The following ADAM22 variants were observed in gnomAD, a reference collection of about 807,000 sequenced individuals.
ADAM22 encodes ADAM metallopeptidase domain 22, also known as disintegrin and metalloproteinase domain-containing protein 22.
In ADAM22, 65 loss-of-function variants were observed where a neutral mutation model predicts 144.6. The observed-to-expected ratio is 0.45, with a 90% CI of 0.37 to 0.55. The LOEUF is 0.55. ADAM22 is among the 20% of genes least tolerant of loss of function. The probability of loss-of-function intolerance (pLI) is 0.00; values close to 1 mark genes in which losing one functional copy is unlikely to be tolerated. For synonymous variants in ADAM22, 391 were observed against 412.6 expected (o/e 0.95, Z 0.63); for missense variants, 974 against 1,184.9 (o/e 0.82, Z 2.61).
chr7:87,981,038 G>T (rs1468569680), intron 3 of ADAM22, among the ~76,000 whole-genome samples: 1 of 152,148 alleles, frequency 6.6e-6, no homozygotes, highest in African/African-American at 2.4e-5. Context: ...GAGCAATTCA[G>T]TCCAATTTTT....
chr7:88,029,241 T>C (rs994077614), intron 3 of ADAM22, among the ~76,000 whole-genome samples: 1 of 152,126 alleles, frequency 6.6e-6, no homozygotes, highest in Non-Finnish European at 1.5e-5. Flanking sequence ...TTTTTGTGTA[T>C]TTGTTATATG....
intron 3 of ADAM22, among the ~76,000 whole-genome samples, chr7:88,041,584 A>G (rs2129472009): frequency 6.6e-6 from 1 of 152,074 alleles, no homozygotes; most frequent in Middle Eastern, 3.4e-3. Context: ...TTGAATGTGA[A>G]ATTTAAGATT....
At chr7:88,161,837 G>C (rs1285152307) in intron 22 of ADAM22, among the ~76,000 whole-genome samples, 1 of 151,932 alleles carries the variant, frequency 6.6e-6, no homozygotes, top group African/African-American at 2.4e-5. Flanking sequence ...AGACAAAGGG[G>C]AACATTTACA....
At chr7:88,057,958 G>A (rs10276750) in intron 3 of ADAM22, among the ~76,000 whole-genome samples, 9,634 of 152,174 alleles carry the variant, frequency 0.063, 1,038 homozygotes, top group African/African-American at 0.22. Flanking sequence ...TAACGATTAT[G>A]TGCTCATGAT....
chr7:88,153,409 TC>T (rs1475020706), intron 21 of ADAM22, 83 bp downstream of exon 21: 9 of 1,117,760 alleles, frequency 8.1e-6, no homozygotes, highest in African/African-American at 1.5e-5. Flanking sequence ...GTTTCTGCTT[TC>T]TGCATCACAC....
chr7:88,123,213 T>C (rs10952913), intron 7 of ADAM22, among the ~76,000 whole-genome samples: 59,041 of 151,904 alleles, frequency 0.39, 13,420 homozygotes, highest in East Asian at 0.84. Context: ...AGAAAGCATA[T>C]TGGACTGTAG....
In ADAM22 at chr7:87,935,138, G is replaced by A. The variant is rs1840914986; in HGVS notation, c.198G>A (p.Arg66=). 1.2e-6 allele frequency: 2 copies of A among 1,613,046 alleles called. No homozygotes were observed. The change falls in exon 2 of 32, where the codon CGG becomes CGA. Residue 66 remains arginine, a synonymous_variant. Transcript: ENST00000413139. ...IYRSGGEDES[R]HDALDTRVRG... is the part of the protein sequence containing the mutation. ...GCTCGGGCGGCGAAGACGAAAGTCGGCACGACGCGCTCGACACGCGGGTGC... is the reference window on the plus strand; with the variant it reads ...GCTCGGGCGGCGAAGACGAAAGTCGACACGACGCGCTCGACACGCGGGTGC...
rs115441375 is a variant in ADAM22 at position 88,127,412 on chromosome 7, G to A, written c.679-1190G>A. Among the ~76,000 whole-genome samples, 449 of 151,920 alleles carry A rather than the reference G, an allele frequency of 3.0e-3. 2 individuals carry two copies. Among genetic ancestry groups the A allele is most frequent in the African/African-American group, 0.01 (424 of 41,482 alleles). ...AATGTTGGGATTTGTTGAAAAATTT[G>A]CTGTATTAACTAGTCTCTCACAAGT... On this transcript the variant is annotated intron_variant, in intron 8 of 31. Coordinates refer to ENST00000413139, the MANE Select transcript of ADAM22 (RefSeq NM_001324418.2).
intron 2 of ADAM22, among the ~76,000 whole-genome samples, chr7:87,977,664 A>G (rs1852218696): frequency 6.6e-6 from 1 of 152,106 alleles, no homozygotes; most frequent in African/African-American, 2.4e-5. Context: ...GCTATGGGAA[A>G]CACTATATTT....
chr7:87,968,217 G>A (rs1367042505), intron 2 of ADAM22, among the ~76,000 whole-genome samples: 2 of 152,100 alleles, frequency 1.3e-5, no homozygotes, highest in Non-Finnish European at 2.9e-5. Flanking sequence ...GATAAGGAGG[G>A]CATTTCTTAG....
At chr7:88,148,937 TCTCCCTACAG>T in intron 17 of ADAM22, 30 bp from the exon 18 acceptor site, 2 of 1,472,696 alleles carry the variant, frequency 1.4e-6, no homozygotes, top group African/African-American at 1.4e-5. Flanking sequence ...GATTTTTTTT[TCTCCCTACAG>T]TTTCACACGT....
rs1374196796 is a variant in ADAM22 at position 88,181,544 on chromosome 7, A to G, written c.2535A>G (p.Pro845=). The G allele has an allele frequency of 1.4e-5, 22 of 1,613,820 alleles. No homozygotes were observed. The highest frequency in any genetic ancestry group is 1.9e-5 in the Non-Finnish European group (22 of 1,179,830). Residue 845 remains proline, a synonymous_variant, in exon 28 of 32, where the codon CCA becomes CCG. Transcript: ENST00000413139. The part of the protein sequence containing the change: ...GLSHSWSERI[P]DTKHISDICE... ...CTCATTCTTGGAGTGAAAGGATTCC[A>G]GACACAAAACATATTTCAGACATCT...
intron 2 of ADAM22, among the ~76,000 whole-genome samples, chr7:87,955,332 T>C (rs2129444024): frequency 6.6e-6 from 1 of 151,988 alleles, no homozygotes. Context: ...TTCTTTCTGT[T>C]TGTTAGTTTT....
At chr7:88,121,493 TTTAGC>T (rs1387588236) in intron 7 of ADAM22, among the ~76,000 whole-genome samples, 1 of 152,188 alleles carries the variant, frequency 6.6e-6, no homozygotes, top group Non-Finnish European at 1.5e-5. Flanking sequence ...CTGGGTGTGG[TTTAGC>T]TGGGTGCCTG....
chr7:87,973,825 A>T (rs1851149176), intron 2 of ADAM22, among the ~76,000 whole-genome samples: 1 of 152,156 alleles, frequency 6.6e-6, no homozygotes, highest in Non-Finnish European at 1.5e-5. Flanking sequence ...ATTCTCAGCA[A>T]ACTATCGTGA....
intron 30 of ADAM22, among the ~76,000 whole-genome samples, chr7:88,192,186 C>A (rs1221765498): frequency 6.6e-6 from 1 of 152,146 alleles, no homozygotes; most frequent in Non-Finnish European, 1.5e-5. Flanking sequence ...GCAGTGTAAC[C>A]AGTTCAATGT....
intron 3 of ADAM22, among the ~76,000 whole-genome samples, chr7:87,994,832 A>ATT (rs575539712): frequency 3.8e-4 from 55 of 145,962 alleles, no homozygotes; most frequent in African/African-American, 1.3e-3. Flanking sequence ...CTAGCATTGT[A>ATT]TTTTTTTTTT....
At chr7:87,968,888 A>C (rs1375214628) in intron 2 of ADAM22, among the ~76,000 whole-genome samples, 2 of 152,196 alleles carry the variant, frequency 1.3e-5, no homozygotes, top group East Asian at 3.8e-4. Flanking sequence ...ACTTAAAATC[A>C]TGGCAGAAGG....
At chr7:88,043,827 T>C (rs975580644) in intron 3 of ADAM22, among the ~76,000 whole-genome samples, 2 of 152,228 alleles carry the variant, frequency 1.3e-5, no homozygotes, top group African/African-American at 4.8e-5. Flanking sequence ...TTATTTCAGA[T>C]ACATCCATGC....
Sources: gnomAD v4.1 joint callset for allele counts (sites outside exome capture counted in the v4.1 genomes callset) on GRCh38, gnomAD v4.1.1 for gene constraint, MANE v1.5 for transcripts, NCBI Gene and HGNC (gene_info 2026-07-23, HGNC 2026-07-21) for gene names.